The following PHACTR1 variants were observed in gnomAD, a reference collection of about 807,000 sequenced individuals.
The protein encoded by PHACTR1 is RPEL repeat containing 1.
PHACTR1 carries 16 observed loss-of-function variants against 69.2 expected under a neutral mutation model. That is an observed-to-expected ratio of 0.23 (90% CI 0.16 to 0.35). The LOEUF (loss-of-function observed/expected upper bound fraction) is 0.35, where lower values mean the gene tolerates loss of function less well. Among genes scored for constraint, PHACTR1 ranks in the 10% least tolerant of loss-of-function variants. The pLI is 1.00. For missense variants in PHACTR1, 510 were observed against 734.7 expected (o/e 0.69, Z 3.54); for synonymous variants, 312 against 284.5 (o/e 1.10, Z -0.97).
intron 5 of PHACTR1, among the ~76,000 whole-genome samples, chr6:13,075,815 T>C (rs940202109): frequency 2.6e-5 from 4 of 152,170 alleles, no homozygotes; most frequent in African/African-American, 9.6e-5. Flanking sequence ...CTCAAGGTCA[T>C]ATGCCAAATG....
chr6:12,968,173 G>A (rs757364709), intron 4 of PHACTR1, among the ~76,000 whole-genome samples: 1 of 152,084 alleles, frequency 6.6e-6, no homozygotes, highest in Non-Finnish European at 1.5e-5. Flanking sequence ...TCATGGAATC[G>A]CATGCCCGCT....
chr6:12,852,911 C>T (rs560100154), intron 4 of PHACTR1, among the ~76,000 whole-genome samples: 15 of 152,260 alleles, frequency 9.9e-5, no homozygotes, highest in Admixed American at 7.8e-4. Flanking sequence ...CATTGACTCT[C>T]GGATCTGGTG....
chr6:12,758,719 A>G (rs1031103954), intron 4 of PHACTR1, among the ~76,000 whole-genome samples: 6 of 152,202 alleles, frequency 3.9e-5, no homozygotes, highest in African/African-American at 1.4e-4. Context: ...ATTTACCACA[A>G]GACAGCAAGC....
At chr6:12,827,390 A>G (rs1236999587) in intron 4 of PHACTR1, among the ~76,000 whole-genome samples, 1 of 152,192 alleles carries the variant, frequency 6.6e-6, no homozygotes, top group Non-Finnish European at 1.5e-5. Flanking sequence ...CATTTCAAAG[A>G]TTTTGTAGAC....
intron 4 of PHACTR1, among the ~76,000 whole-genome samples, chr6:12,840,918 A>G (rs1464195775): frequency 6.6e-6 from 1 of 152,224 alleles, no homozygotes; most frequent in Non-Finnish European, 1.5e-5. Flanking sequence ...AGACTCAGCA[A>G]TTGAGTTGAT....
chr6:12,871,415 C>T (rs1387306744), intron 4 of PHACTR1, among the ~76,000 whole-genome samples: 6 of 152,214 alleles, frequency 3.9e-5, no homozygotes, highest in East Asian at 1.9e-4. Flanking sequence ...GCTCACATTG[C>T]GTTTGACTTA....
At chr6:12,738,159 A>G (rs1446926200) in intron 3 of PHACTR1, among the ~76,000 whole-genome samples, 2 of 152,172 alleles carry the variant, frequency 1.3e-5, no homozygotes, top group Non-Finnish European at 2.9e-5. Context: ...GTCTTTAAAA[A>G]CACTGGCATT....
intron 5 of PHACTR1, among the ~76,000 whole-genome samples, chr6:13,082,166 G>A (rs1022213885): frequency 2.0e-5 from 3 of 152,022 alleles, no homozygotes; most frequent in South Asian, 2.1e-4. Flanking sequence ...TCCACTCATC[G>A]CGATGCCTTC....
chr6:12,985,952 C>T (rs545869417), intron 4 of PHACTR1, among the ~76,000 whole-genome samples: 3 of 151,942 alleles, frequency 2.0e-5, no homozygotes, highest in African/African-American at 7.2e-5. Flanking sequence ...TCTCCTGTCT[C>T]GGCCTCCCAA....
chr6:12,867,996 A>G (rs1196015455), intron 4 of PHACTR1, among the ~76,000 whole-genome samples: 1 of 152,184 alleles, frequency 6.6e-6, no homozygotes, highest in Non-Finnish European at 1.5e-5. Context: ...ACGGTGGCTC[A>G]TGCCTGTAAT....
At chr6:13,105,933 A>G (rs73369832) in intron 5 of PHACTR1, among the ~76,000 whole-genome samples, 6,094 of 152,290 alleles carry the variant, frequency 0.04, 383 homozygotes, top group African/African-American at 0.14. Flanking sequence ...GGAATTCTCA[A>G]TGGTTTACAG....
At chr6:12,894,705 C>A (rs532130281) in intron 4 of PHACTR1, among the ~76,000 whole-genome samples, 1 of 152,142 alleles carries the variant, frequency 6.6e-6, no homozygotes. Flanking sequence ...CATGTTAAGT[C>A]ACTTAACATG....
intron 4 of PHACTR1, among the ~76,000 whole-genome samples, chr6:12,780,608 T>G (rs1405004434): frequency 6.6e-6 from 1 of 152,160 alleles, no homozygotes; most frequent in East Asian, 1.9e-4. Flanking sequence ...CTAATACCTC[T>G]CTCATTTGCA....
intron 5 of PHACTR1, among the ~76,000 whole-genome samples, chr6:13,057,967 G>A (rs1336918035): frequency 6.6e-6 from 1 of 152,182 alleles, no homozygotes; most frequent in Non-Finnish European, 1.5e-5. Context: ...GATGGCAGGA[G>A]GAAAACAGGA....
At chr6:13,085,985 G>A (rs1446563770) in intron 5 of PHACTR1, among the ~76,000 whole-genome samples, 1 of 137,158 alleles carries the variant, frequency 7.3e-6, no homozygotes, top group Non-Finnish European at 1.6e-5. Flanking sequence ...TAAAAAATAA[G>A]ATCCATAAAG....
chr6:13,154,724 A>G (rs1440772542), intron 5 of PHACTR1, among the ~76,000 whole-genome samples: 2 of 150,254 alleles, frequency 1.3e-5, no homozygotes, highest in Admixed American at 6.7e-5. Context: ...CATTTAGCTG[A>G]TTTATCTTAT....
chr6:13,133,219 CT>C (rs1330287294), intron 5 of PHACTR1, among the ~76,000 whole-genome samples: 1 of 42,614 alleles, frequency 2.3e-5, no homozygotes, highest in African/African-American at 9.0e-5. Flanking sequence ...CCCCCTCCCC[CT>C]CCCCCTCCCC....
chr6:13,027,372 A>C (rs1561712485), intron 4 of PHACTR1, among the ~76,000 whole-genome samples: 1 of 152,216 alleles, frequency 6.6e-6, no homozygotes, highest in Non-Finnish European at 1.5e-5. Flanking sequence ...GTGATAAGGC[A>C]GAAAAGACAA....
chr6:13,006,002 C>G (rs1798741046), intron 4 of PHACTR1, among the ~76,000 whole-genome samples: 1 of 152,162 alleles, frequency 6.6e-6, no homozygotes, highest in African/African-American at 2.4e-5. Context: ...AGGATTCTGT[C>G]CTAAAGGCCA....
Sources: gnomAD v4.1 joint callset for allele counts (sites outside exome capture counted in the v4.1 genomes callset) on GRCh38, gnomAD v4.1.1 for gene constraint, MANE v1.5 for transcripts, NCBI Gene and HGNC (gene_info 2026-07-23, HGNC 2026-07-21) for gene names.